The following PTPN13 variants were observed in gnomAD, a reference collection of about 807,000 sequenced individuals.
PTPN13 encodes the protein tyrosine-protein phosphatase non-receptor type 13.
In PTPN13, 191 loss-of-function variants were observed where a neutral mutation model predicts 284.0. The ratio of observed to expected loss-of-function variants is 0.67; its 90% CI spans 0.60 to 0.76. The LOEUF is 0.76. PTPN13 is among the 30% of genes least tolerant of loss of function. The probability of loss-of-function intolerance (pLI) is 0.00; values close to 1 mark genes in which losing one functional copy is unlikely to be tolerated. For missense variants in PTPN13, 2,797 were observed against 2,939.9 expected, an observed-to-expected ratio of 0.95 and a Z score of 1.12; for synonymous variants, 986 against 1,022.3, an observed-to-expected ratio of 0.96 and a Z score of 0.68.
intron 45 of PTPN13, among the ~76,000 whole-genome samples, chr4:86,808,770 A>G (rs1273056779): frequency 1.3e-5 from 2 of 152,216 alleles, no homozygotes; most frequent in Non-Finnish European, 2.9e-5. Context: ...TTGGCAGTCA[A>G]CAACACAGAC....
chr4:86,743,631 A>C (rs569202292), intron 16 of PTPN13, among the ~76,000 whole-genome samples: 1 of 152,286 alleles, frequency 6.6e-6, no homozygotes, highest in East Asian at 1.9e-4. Context: ...TGGAGCTTTC[A>C]TTGGCAACAA....
intron 1 of PTPN13, among the ~76,000 whole-genome samples, chr4:86,626,793 A>T (rs1190516272): frequency 6.6e-6 from 1 of 152,144 alleles, no homozygotes; most frequent in Non-Finnish European, 1.5e-5. Context: ...AAAAAGTTAT[A>T]TGTGGATTTT....
intron 7 of PTPN13, among the ~76,000 whole-genome samples, chr4:86,712,124 G>A (rs566249436): frequency 2.0e-5 from 3 of 151,758 alleles, no homozygotes; most frequent in Admixed American, 1.3e-4. Context: ...AAAATCACCC[G>A]ATTAATACCA....
At chr4:86,727,793 G>GT (rs1191099023) in intron 10 of PTPN13, among the ~76,000 whole-genome samples, 1 of 149,024 alleles carries the variant, frequency 6.7e-6, no homozygotes, top group Non-Finnish European at 1.5e-5. Flanking sequence ...TTTTTGAAGG[G>GT]TTTTTTCTGT....
chr4:86,736,589 A>C (rs2149145234), intron 15 of PTPN13, among the ~76,000 whole-genome samples: 1 of 152,326 alleles, frequency 6.6e-6, no homozygotes, highest in East Asian at 1.9e-4. Flanking sequence ...GTCCAAATTT[A>C]AAGATATTAA....
Position 86,644,843 on chromosome 4 carries a change from A to G in PTPN13, c.115+9472A>G, listed in dbSNP as rs561875510. ...ACCATAGTAATGACTAAAAAAGAAA[A>G]CTATATTATCTTTTTAATAGATGCA... On this transcript the variant is annotated intron_variant, in intron 2 of 47. Coordinates refer to ENST00000411767, the MANE Select transcript of PTPN13 (RefSeq NM_080683.3). Among the ~76,000 whole-genome samples, 3 of 152,266 alleles carry G rather than the reference A, an allele frequency of 2.0e-5. No homozygotes were observed. In the South Asian group the frequency reaches 6.2e-4, roughly 32 times the overall value.
At chr4:86,646,409 C>T (rs1003660802) in intron 2 of PTPN13, among the ~76,000 whole-genome samples, 1 of 151,552 alleles carries the variant, frequency 6.6e-6, no homozygotes, top group Non-Finnish European at 1.5e-5. Flanking sequence ...GGGATCCTCC[C>T]ACCTCAGCCT....
chr4:86,618,677 C>A (rs897361494), intron 1 of PTPN13, among the ~76,000 whole-genome samples: 14 of 152,128 alleles, frequency 9.2e-5, no homozygotes, highest in Admixed American at 2.0e-4. Context: ...GTATTTTATT[C>A]TCTTTGAAGC....
At chr4:86,740,912 C>CAAA (rs144628774) in intron 15 of PTPN13, among the ~76,000 whole-genome samples, 5 of 144,284 alleles carry the variant, frequency 3.5e-5, no homozygotes, top group African/African-American at 1.3e-4. Context: ...AATCTCTTTG[C>CAAA]AAAAAAAAAA....
At chr4:86,769,460 C>T (rs532193185) in intron 28 of PTPN13, among the ~76,000 whole-genome samples, 87 of 152,280 alleles carry the variant, frequency 5.7e-4, no homozygotes, top group African/African-American at 2.1e-3. Context: ...GCCACTGTGC[C>T]TGACCATAGT....
intron 2 of PTPN13, among the ~76,000 whole-genome samples, chr4:86,647,948 T>C (rs1724627287): frequency 6.6e-6 from 1 of 152,076 alleles, no homozygotes; most frequent in Non-Finnish European, 1.5e-5. Flanking sequence ...GTCCATTCTG[T>C]GGTACTTTGT....
At chr4:86,595,204 T>C (rs564851016) in intron 1 of PTPN13, among the ~76,000 whole-genome samples, 18 of 151,920 alleles carry the variant, frequency 1.2e-4, no homozygotes, top group Non-Finnish European at 2.6e-4. Flanking sequence ...CTGCAAATGA[T>C]TGTGGAGATG....
At chr4:86,724,633 A>G (rs1734030589) in intron 10 of PTPN13, among the ~76,000 whole-genome samples, 1 of 152,104 alleles carries the variant, frequency 6.6e-6, no homozygotes, top group Non-Finnish European at 1.5e-5. Context: ...TGGAGGTTAT[A>G]TTTTTGAGGC....
At chr4:86,745,676 T>C (rs538765136) in intron 17 of PTPN13, among the ~76,000 whole-genome samples, 1 of 152,120 alleles carries the variant, frequency 6.6e-6, no homozygotes, top group Admixed American at 6.5e-5. Context: ...CTTGGGAGGC[T>C]GAGGCAGGAG....
chr4:86,599,902 C>T (rs942345073), intron 1 of PTPN13, among the ~76,000 whole-genome samples: 62 of 152,102 alleles, frequency 4.1e-4, no homozygotes, highest in African/African-American at 1.4e-3. Context: ...CTTAATTGCC[C>T]TTGTGTACTG....
chr4:86,752,880 C>T (rs1422920818), intron 19 of PTPN13, 129 bp from the exon 20 acceptor site: 2 of 502,002 alleles, frequency 4.0e-6, no homozygotes, highest in Non-Finnish European at 6.8e-6. Context: ...AGGATGTTTT[C>T]TCAGTGTAAA....
intron 37 of PTPN13, among the ~76,000 whole-genome samples, chr4:86,783,851 T>C (rs561556971): frequency 4.6e-5 from 7 of 152,050 alleles, no homozygotes; most frequent in Non-Finnish European, 7.4e-5. Flanking sequence ...CAGTTGAACA[T>C]TGCATTCAAA....
chr4:86,626,004 A>G (rs1000654845), intron 1 of PTPN13, among the ~76,000 whole-genome samples: 1 of 152,162 alleles, frequency 6.6e-6, no homozygotes, highest in Non-Finnish European at 1.5e-5. Flanking sequence ...GGTAGCGAGG[A>G]AAGGTGTTGT....
chr4:86,665,013 A>C (rs965171485), intron 2 of PTPN13, among the ~76,000 whole-genome samples: 2 of 152,066 alleles, frequency 1.3e-5, no homozygotes, highest in Non-Finnish European at 2.9e-5. Context: ...CCATCACTTA[A>C]GCCTTGTTAC....
Sources: gnomAD v4.1 joint callset for allele counts (sites outside exome capture counted in the v4.1 genomes callset) on GRCh38, gnomAD v4.1.1 for gene constraint, MANE v1.5 for transcripts, NCBI Gene and HGNC (gene_info 2026-07-23, HGNC 2026-07-21) for gene names.